The following FRMD4A variants were observed in gnomAD, a reference collection of about 807,000 sequenced individuals.
FRMD4A encodes the protein FERM domain containing 4A, also known as FERM domain-containing protein 4A.
Under a neutral mutation model 129.1 loss-of-function variants are expected in FRMD4A, and 29 were observed. The ratio of observed to expected loss-of-function variants is 0.22; its 90% CI spans 0.17 to 0.31. The LOEUF (loss-of-function observed/expected upper bound fraction) is 0.31, where lower values mean the gene tolerates loss of function less well. Among genes scored for constraint, FRMD4A ranks in the 10% least tolerant of loss-of-function variants. The probability of loss-of-function intolerance (pLI) is 1.00; values close to 1 mark genes in which losing one functional copy is unlikely to be tolerated. For missense variants in FRMD4A, 1,272 were observed against 1,375.8 expected, an observed-to-expected ratio of 0.92 and a Z score of 1.19; for synonymous variants, 634 against 571.6, an observed-to-expected ratio of 1.11 and a Z score of -1.56.
intron 2 of FRMD4A, among the ~76,000 whole-genome samples, chr10:14,096,599 G>A (rs1437850090): frequency 1.3e-5 from 2 of 152,170 alleles, no homozygotes; most frequent in South Asian, 2.1e-4. Context: ...TCACCCCAAA[G>A]TTACAAAACA....
intron 2 of FRMD4A, among the ~76,000 whole-genome samples, chr10:13,979,242 C>T (rs72774694): frequency 0.023 from 3,576 of 152,176 alleles, 66 homozygotes; most frequent in Non-Finnish European, 0.04. Context: ...ACATGCAGGT[C>T]TGGGGCCTGG....
intron 2 of FRMD4A, among the ~76,000 whole-genome samples, chr10:14,131,398 C>CCCCG (rs1554767027): frequency 1.4e-5 from 2 of 144,442 alleles, no homozygotes; most frequent in Non-Finnish European, 2.9e-5. Flanking sequence ...CTCACTGTGC[C>CCCCG]CCCCCCGGCC....
At chr10:14,118,587 G>C (rs573089496) in intron 2 of FRMD4A, among the ~76,000 whole-genome samples, 2 of 152,164 alleles carry the variant, frequency 1.3e-5, no homozygotes, top group South Asian at 4.1e-4. Flanking sequence ...GAAGAAAAGA[G>C]GTTTAATGGA....
At chr10:13,813,497 A>C (rs1010659925) in intron 3 of FRMD4A, among the ~76,000 whole-genome samples, 2 of 152,242 alleles carry the variant, frequency 1.3e-5, no homozygotes, top group African/African-American at 4.8e-5. Flanking sequence ...ATGGGGCTAC[A>C]TCGTGGTAAG....
At chr10:14,215,020 T>C (rs966096743) in intron 2 of FRMD4A, among the ~76,000 whole-genome samples, 1 of 152,194 alleles carries the variant, frequency 6.6e-6, no homozygotes, top group African/African-American at 2.4e-5. Context: ...GCATGATGAA[T>C]TGGATCACTT....
chr10:13,955,698 C>G (rs2095406373), intron 2 of FRMD4A, among the ~76,000 whole-genome samples: 1 of 152,216 alleles, frequency 6.6e-6, no homozygotes, highest in Non-Finnish European at 1.5e-5. Context: ...CAACGTGGAG[C>G]CAGTGCCCTG....
intron 2 of FRMD4A, among the ~76,000 whole-genome samples, chr10:13,976,171 C>T (rs918030548): frequency 2.0e-5 from 3 of 152,168 alleles, no homozygotes; most frequent in Non-Finnish European, 4.4e-5. Flanking sequence ...ATTGAGTTAG[C>T]TGGCCAGATG....
chr10:13,833,022 G>T (rs2093814989), intron 3 of FRMD4A, among the ~76,000 whole-genome samples: 1 of 152,192 alleles, frequency 6.6e-6, no homozygotes, highest in South Asian at 2.1e-4. Context: ...TCCGTGTACA[G>T]TCTGCCTTCA....
At chr10:13,851,644 G>A (rs887494608) in intron 3 of FRMD4A, among the ~76,000 whole-genome samples, 1 of 152,176 alleles carries the variant, frequency 6.6e-6, no homozygotes, top group African/African-American at 2.4e-5. Context: ...GCTCACACCT[G>A]TAATCCCAGC....
chr10:13,715,001 T>C (rs1310423508), intron 12 of FRMD4A, among the ~76,000 whole-genome samples: 1 of 151,904 alleles, frequency 6.6e-6, no homozygotes, highest in Non-Finnish European at 1.5e-5. Flanking sequence ...ATCATGCCAC[T>C]GCACTCCAGC....
chr10:14,127,912 TTC>T (rs1199009156), intron 2 of FRMD4A, among the ~76,000 whole-genome samples: 84 of 3,462 alleles, frequency 0.024, no homozygotes, highest in African/African-American at 0.049. Flanking sequence ...TTTGCTTTCT[TTC>T]TTTCTTTCTT....
At chr10:14,179,719 A>C (rs1432413918) in intron 2 of FRMD4A, among the ~76,000 whole-genome samples, 7 of 152,252 alleles carry the variant, frequency 4.6e-5, no homozygotes, top group Non-Finnish European at 1.0e-4. Context: ...AATTGTTTTT[A>C]CATGTGTTTG....
chr10:13,709,246 G>A (rs1023044703), intron 12 of FRMD4A, among the ~76,000 whole-genome samples: 2 of 152,178 alleles, frequency 1.3e-5, no homozygotes, highest in Admixed American at 6.5e-5. Flanking sequence ...TTACAGGCGT[G>A]AGCCACCGCA....
chr10:13,728,983 C>G (rs182700754), intron 12 of FRMD4A, among the ~76,000 whole-genome samples: 2 of 152,174 alleles, frequency 1.3e-5, no homozygotes, highest in East Asian at 3.8e-4. Context: ...TTTGAGAAGA[C>G]GATCTCAATT....
rs2091360369 is a variant in FRMD4A at position 13,747,681 on chromosome 10, G to A, written c.548+55C>T. The A allele has an allele frequency of 3.2e-6, 3 of 924,712 alleles. No individual in the cohort carries two copies. In the African/African-American group the frequency reaches 4.8e-5, roughly 15 times the overall value. 57.3% of individuals were successfully genotyped at this position (924,712 alleles called of 1,614,324 possible). A position where few individuals can be genotyped will look rare whatever the true frequency, so the allele number is the denominator to read the frequency against. On this transcript the variant is annotated intron_variant, in intron 9 of 24. Transcript: ENST00000357447. ...GGGAGGGTACATTCAGTTGTCCTGT[G>A]TCCCCTCGCACCCCGAGAGGGACTC...
chr10:14,330,585 G>A lies in FRMD4A; in HGVS notation c.-82+12C>T, dbSNP rs555792751. 4.9e-6 allele frequency: 2 copies of A among 404,108 alleles called. No homozygotes were observed. Among genetic ancestry groups the A allele is most frequent in the Admixed American group, 8.4e-5 (2 of 23,914 alleles). The allele number at this position is 404,108 out of a possible 1,614,324, so 25.0% of individuals were successfully genotyped here. On this transcript the variant is annotated intron_variant, in intron 1 of 24. Transcript: ENST00000357447. Reference sequence around the variant, plus strand: ...ATTCTGCTGCATAAACATGCTGAATGTCACAACATACCGCTCGCAATCTGG... The same window carrying A: ...ATTCTGCTGCATAAACATGCTGAATATCACAACATACCGCTCGCAATCTGG...
chr10:13,741,784 G>C (rs918266419), intron 9 of FRMD4A, among the ~76,000 whole-genome samples: 4 of 151,942 alleles, frequency 2.6e-5, no homozygotes, highest in Admixed American at 6.6e-5. Context: ...AGCCCCATAG[G>C]AATGCTTGGA....
chr10:14,277,383 A>G (rs1845379127), intron 2 of FRMD4A, among the ~76,000 whole-genome samples: 1 of 152,218 alleles, frequency 6.6e-6, no homozygotes, highest in African/African-American at 2.4e-5. Flanking sequence ...TGAGGGTAGA[A>G]CTATTATGAA....
chr10:13,872,198 G>A (rs994357631), intron 2 of FRMD4A, among the ~76,000 whole-genome samples: 1 of 152,204 alleles, frequency 6.6e-6, no homozygotes, highest in Non-Finnish European at 1.5e-5. Flanking sequence ...GGCGCTGCAG[G>A]TCTCTGTCCC....
Sources: gnomAD v4.1 joint callset for allele counts (sites outside exome capture counted in the v4.1 genomes callset) on GRCh38, gnomAD v4.1.1 for gene constraint, MANE v1.5 for transcripts, NCBI Gene and HGNC (gene_info 2026-07-23, HGNC 2026-07-21) for gene names.